The following PCDHA1 variants were observed in gnomAD, a reference collection of about 807,000 sequenced individuals.
PCDHA1 encodes the protein protocadherin alpha 1.
A neutral mutation model predicts 61.3 loss-of-function variants in PCDHA1; 42 were observed. The observed-to-expected ratio is 0.69, with a 90% CI of 0.54 to 0.89. PCDHA1 has a LOEUF of 0.89. Among genes scored for constraint, PCDHA1 ranks in the 40% least tolerant of loss-of-function variants. PCDHA1 has a pLI of 0.00. For synonymous variants in PCDHA1, 610 were observed against 553.8 expected, an observed-to-expected ratio of 1.10 and a Z score of -1.43; for missense variants, 1,256 against 1,235.3, an observed-to-expected ratio of 1.02 and a Z score of -0.25.
intron 1 of PCDHA1, chr5:140,926,601 T>G: frequency 3.1e-6 from 1 of 317,718 alleles, no homozygotes; most frequent in Non-Finnish European, 5.7e-6. Context: ...GCGGGCGGCC[T>G]CGTCTCTGCA....
rs1554128638 is a variant in PCDHA1, at chr5:140,822,442, G to T, written c.2394+33758G>T. ...TGATGGAGGAAAACCCGAACTAACA[G>T]GTACAGTTCAGTTGTTGATCAATGT... On this transcript the variant is annotated intron_variant, in intron 1 of 3. Transcript: ENST00000504120. 4 of 1,613,740 alleles carry T rather than the reference G, an allele frequency of 2.5e-6. No homozygotes were observed. Among genetic ancestry groups the T allele is most frequent in the Non-Finnish European group, 3.4e-6 (4 of 1,179,806 alleles).
At chr5:140,842,943 G>A (rs2150348424) in intron 1 of PCDHA1, 4 of 1,594,646 alleles carry the variant, frequency 2.5e-6, no homozygotes, top group Non-Finnish European at 3.4e-6. Context: ...CGCGACGCGG[G>A]CGTGCCGCCT....
At chr5:140,960,934 A>G (rs1429908471) in intron 1 of PCDHA1, among the ~76,000 whole-genome samples, 3 of 152,236 alleles carry the variant, frequency 2.0e-5, no homozygotes, top group Admixed American at 1.3e-4. Context: ...TACTAAGTTT[A>G]GTGAATTAGA....
Position 140,861,540 on chromosome 5 carries a change from C to T in PCDHA1, c.2394+72856C>T, listed in dbSNP as rs78647999. On this transcript the variant is annotated intron_variant, in intron 1 of 3. Coordinates refer to ENST00000504120, the MANE Select transcript of PCDHA1 (RefSeq NM_018900.4). ...TGGGAGGATCTCGGAGTGCAGCATC[C>T]ACCTGGAAGTGATCGTGGACAAGCT... is the stretch of plus-strand genomic sequence containing the variant. 502 of 425,826 alleles carry T rather than the reference C, an allele frequency of 1.2e-3. 2 individuals are homozygous for T. The highest frequency in any genetic ancestry group is 9.5e-3 in the African/African-American group (465 of 48,884). 26.4% of individuals were successfully genotyped at this position (425,826 alleles called of 1,614,324 possible).
At chr5:140,841,429 C>T in intron 1 of PCDHA1, 1 of 1,612,960 alleles carries the variant, frequency 6.2e-7, no homozygotes, top group African/African-American at 1.3e-5. Context: ...ACTCCGTCCC[C>T]GAGGAGGCCA....
intron 1 of PCDHA1, chr5:140,795,230 G>T (rs145951382): frequency 6.2e-7 from 1 of 1,614,234 alleles, no homozygotes; most frequent in South Asian, 1.1e-5. Context: ...GTGAATTCTC[G>T]GATCGACCGG....
rs782153529 is a variant in PCDHA1, at chr5:140,871,456, G to T, written c.2394+82772G>T. 3.1e-6 allele frequency: 5 copies of T among 1,607,166 alleles called. No homozygotes were observed. The South Asian group carries it at 4.4e-5, about 14-fold the overall frequency. On this transcript the variant is annotated intron_variant, in intron 1 of 3. Coordinates refer to ENST00000504120, the MANE Select transcript of PCDHA1 (RefSeq NM_018900.4). ...TCTAGGTCTGAATAAAGAGGAGGAA[G>T]GGGAAAGACAGGAGCCAGGGTCAAA...
intron 1 of PCDHA1, chr5:140,861,156 A>T (rs782717452): frequency 6.5e-6 from 1 of 154,840 alleles, no homozygotes; most frequent in Non-Finnish European, 1.4e-5. Context: ...ACAAGGACCA[A>T]AAGGTCTCAG....
intron 1 of PCDHA1, among the ~76,000 whole-genome samples, chr5:140,879,587 G>A (rs904371743): frequency 6.6e-6 from 1 of 152,186 alleles, no homozygotes. Context: ...GACAGACATT[G>A]AAAAGTGAAA....
chr5:140,926,170 C>T lies in PCDHA1; in HGVS notation c.2395-52779C>T, dbSNP rs558750358. 2.6e-5 allele frequency among the ~76,000 whole-genome samples: 4 copies of T among 151,860 alleles called. No homozygotes were observed. In the South Asian group the frequency reaches 6.6e-4, roughly 25 times the overall value. On this transcript the variant is annotated intron_variant, in intron 1 of 3. Coordinates refer to ENST00000504120, the MANE Select transcript of PCDHA1 (RefSeq NM_018900.4). ...CGGAAAGCTCTGCAGCAGGATCCAG[C>T]GCGGAAAGCCCCCCGCAGCACTTCT...
intron 3 of PCDHA1, among the ~76,000 whole-genome samples, chr5:141,002,953 T>G (rs2098104496): frequency 1.3e-5 from 2 of 152,230 alleles, no homozygotes; most frequent in Non-Finnish European, 2.9e-5. Context: ...CATGCCCCTC[T>G]GAGAGCTTTC....
chr5:140,966,812 C>T, intron 1 of PCDHA1: 1 of 1,550,798 alleles, frequency 6.4e-7, no homozygotes, highest in East Asian at 2.4e-5. Flanking sequence ...GCATCCACGG[C>T]TCCGGCGGCC....
chr5:140,789,868 G>C (rs1310059592), intron 1 of PCDHA1, among the ~76,000 whole-genome samples: 2 of 152,166 alleles, frequency 1.3e-5, no homozygotes, highest in Admixed American at 1.3e-4. Context: ...CCAAAAACTT[G>C]CTTGCTGTTA....
At chr5:140,824,195 C>G (rs1768043516) in intron 1 of PCDHA1, 1 of 1,600,220 alleles carries the variant, frequency 6.2e-7, no homozygotes, top group Non-Finnish European at 8.6e-7. Flanking sequence ...CACATTCACC[C>G]ACTTTTTTTG....
At chr5:140,952,921 A>G (rs1385762046) in intron 1 of PCDHA1, among the ~76,000 whole-genome samples, 4 of 152,138 alleles carry the variant, frequency 2.6e-5, no homozygotes, top group African/African-American at 4.8e-5. Context: ...ACATGGCATG[A>G]GCAGGAGCAG....
At position 140,858,282 on chromosome 5, in the gene PCDHA1, G is replaced by T. The variant is rs782040852; in HGVS notation, c.2394+69598G>T. On this transcript the variant is annotated intron_variant, in intron 1 of 3. Coordinates refer to ENST00000504120, the MANE Select transcript of PCDHA1 (RefSeq NM_018900.4). ...CTGGTGTGCTCTAGCGCGGTGGGGA[G>T]CTGGTCTTACTCGCAGCAGAGGCGG... 2.5e-6 allele frequency: 4 copies of T among 1,597,480 alleles called. No homozygotes were observed. The highest frequency in any genetic ancestry group is 3.4e-6 in the Non-Finnish European group (4 of 1,167,300).
At chr5:140,975,200 C>T (rs1469690831) in intron 1 of PCDHA1, among the ~76,000 whole-genome samples, 1 of 152,224 alleles carries the variant, frequency 6.6e-6, no homozygotes, top group Non-Finnish European at 1.5e-5. Context: ...GCTCCATCTT[C>T]ATGGCTGGCA....
At chr5:140,863,709 C>G (rs537647529) in intron 1 of PCDHA1, 1 of 285,634 alleles carries the variant, frequency 3.5e-6, no homozygotes, top group East Asian at 9.1e-5. Context: ...TTAAAGTACA[C>G]TGGGGCCGGG....
intron 1 of PCDHA1, among the ~76,000 whole-genome samples, chr5:140,914,284 G>T (rs781914384): frequency 9.9e-5 from 15 of 152,022 alleles, no homozygotes; most frequent in Non-Finnish European, 2.1e-4. Flanking sequence ...ATTTATAATT[G>T]TTATATCCTC....
Sources: allele counts gnomAD v4.1 joint callset (sites outside exome capture counted in the v4.1 genomes callset), GRCh38; gene constraint gnomAD v4.1.1; transcripts MANE v1.5; gene names NCBI Gene and HGNC (gene_info 2026-07-23, HGNC 2026-07-21).